Variants in IL36A observed in about 807,000 individuals in gnomAD.
IL36A encodes interleukin-36 alpha.
Under a neutral mutation model 12.7 loss-of-function variants are expected in IL36A, and 13 were observed. The ratio of observed to expected loss-of-function variants is 1.02; its 90% confidence interval spans 0.67 to 1.63. IL36A has a LOEUF of 1.63. IL36A is among the 40% of genes most tolerant of loss of function. IL36A has a pLI of 0.00. For synonymous variants in IL36A, 73 were observed against 71.9 expected (o/e 1.01, Z -0.08); for missense variants, 195 against 192.9 (o/e 1.01, Z -0.07).
downstream of IL36A, chr2:113,008,485 C>T (rs911361690): frequency 4.9e-5 from 9 of 183,846 alleles, no homozygotes; most frequent in East Asian, 3.3e-4. Flanking sequence ...CTCAGCCTCC[C>T]GAGTAGCTGG....
At chr2:113,009,218 CGTT>C (rs1684692081), downstream of IL36A, among the ~76,000 whole-genome samples, 2 of 151,658 alleles carry the variant, frequency 1.3e-5, no homozygotes, top group South Asian at 2.1e-4. Flanking sequence ...TCCAGTCTAT[CGTT>C]GTTGGACATT....
downstream of IL36A, chr2:113,008,551 C>T (rs1320371757): frequency 7.3e-6 from 2 of 272,688 alleles, no homozygotes; most frequent in Non-Finnish European, 1.5e-5. Flanking sequence ...TTAGTAGAGA[C>T]GGGGTTTCAC....
intron 1 of IL36A, 38 bp from the exon 2 acceptor site, chr2:113,005,936 C>G (rs760048472): frequency 6.2e-7 from 1 of 1,611,982 alleles, no homozygotes; most frequent in Non-Finnish European, 8.5e-7. Flanking sequence ...ATTCTGTGCT[C>G]TCATTCTTAC....
chr2:113,007,646 G>A (rs1684648610), intron 3 of IL36A, among the ~76,000 whole-genome samples, 186 bp from the exon 4 acceptor site: 2 of 152,102 alleles, frequency 1.3e-5, no homozygotes, highest in Admixed American at 6.5e-5. Context: ...TGTAGCCTGA[G>A]TTTCAACCAT....
chr2:113,008,357 CT>C (rs780723737), downstream of IL36A, among the ~76,000 whole-genome samples: 6,181 of 123,314 alleles, frequency 0.05, 160 homozygotes, highest in African/African-American at 0.16. Context: ...GGTGGTGACT[CT>C]TTTTTTTTTT....
chr2:113,008,274 T>C (rs1315193371), downstream of IL36A, among the ~76,000 whole-genome samples: 2 of 152,012 alleles, frequency 1.3e-5, no homozygotes, highest in South Asian at 2.1e-4. Flanking sequence ...GGCTGAAATA[T>C]GGCACCATTA....
At chr2:113,009,973 A>ACTT (rs1300427499), downstream of IL36A, among the ~76,000 whole-genome samples, 1 of 151,930 alleles carries the variant, frequency 6.6e-6, no homozygotes, top group African/African-American at 2.4e-5. Flanking sequence ...TATTTTGAAG[A>ACTT]CTTCTTTTTA....
At chr2:113,006,137 T>C in intron 2 of IL36A, 50 bp downstream of exon 2, 1 of 1,172,730 alleles carries the variant, frequency 8.5e-7, no homozygotes, top group Middle Eastern at 2.3e-4. Flanking sequence ...AGTGCTGTTG[T>C]GTGTTTGGTG....
chr2:113,008,190 G>A (rs1486926957), downstream of IL36A: 2 of 699,734 alleles, frequency 2.9e-6, no homozygotes, highest in African/African-American at 3.6e-5. Flanking sequence ...TGACCTAAGT[G>A]CTGGACTGGT....
In IL36A at chr2:113,005,745, T is replaced by C; in HGVS notation, c.-127T>C. The C allele has an allele frequency of 9.8e-7, 1 of 1,019,180 alleles. No homozygotes were observed. The highest frequency in any genetic ancestry group is 1.6e-6 in the Non-Finnish European group (1 of 640,074). 63.1% of individuals were successfully genotyped at this position (1,019,180 alleles called of 1,614,324 possible). A position where few individuals can be genotyped will look rare whatever the true frequency, so the allele number is the denominator to read the frequency against. On this transcript the variant is annotated 5_prime_UTR_variant, in exon 1 of 4. Transcript: ENST00000259211. Reference sequence around the variant, plus strand: ...ATTCTGACTGGGGTCACTGCTGGGCTGGCCGCCAGTCTTTCATCTGACCCA... The same window carrying C: ...ATTCTGACTGGGGTCACTGCTGGGCCGGCCGCCAGTCTTTCATCTGACCCA...
Position 113,008,038 on chromosome 2 carries a change from G to A in IL36A, c.471G>A (p.Leu157=), listed in dbSNP as rs754303211. The A allele has an allele frequency of 5.6e-6, 9 of 1,613,572 alleles. No individual in the cohort carries two copies. Among genetic ancestry groups the A allele is most frequent in the Middle Eastern group, 1.6e-4 (1 of 6,080 alleles). ...ANTTDFGLTM[L]F Reference sequence around the variant, plus strand: ...CTACTGACTTTGGGTTAACTATGCTGTTTTAAGGTCAGTTGGGTTTGGAGG... The same window carrying A: ...CTACTGACTTTGGGTTAACTATGCTATTTTAAGGTCAGTTGGGTTTGGAGG... Residue 157 remains leucine (L), a synonymous_variant, in exon 4 of 4, where the codon CTG becomes CTA. Coordinates refer to ENST00000259211, the MANE Select transcript of IL36A (RefSeq NM_014440.3).
Position 113,006,654 on chromosome 2 carries a change from A to T in IL36A, c.181A>T (p.Asn61Tyr). ...HVETLEKDRG[N>Y]PIYLGLNGLN... ...GGAGACCCTTGAGAAAGACAGAGGGAACCCCATCTACCTGGGCCTGAATGG... is the reference window on the plus strand; with the variant it reads ...GGAGACCCTTGAGAAAGACAGAGGGTACCCCATCTACCTGGGCCTGAATGG... The change falls in exon 3 of 4, where the codon AAC (asparagine) becomes TAC (tyrosine). Residue 61 changes from asparagine to tyrosine, a missense_variant. Transcript: ENST00000259211. The T allele has an allele frequency of 6.2e-7, 1 of 1,614,176 alleles. No individual in the cohort carries two copies. Among genetic ancestry groups the T allele is most frequent in the Non-Finnish European group, 8.5e-7 (1 of 1,180,004 alleles).
At position 113,005,817 on chromosome 2, in the gene IL36A, G is replaced by A. The variant is rs201497922; in HGVS notation, c.-55G>A. 2,002 of 1,606,294 alleles carry A rather than the reference G, an allele frequency of 1.2e-3. 16 individuals carry two copies. Among genetic ancestry groups the A allele is most frequent in the South Asian group, 7.6e-3 (689 of 90,892 alleles). ...CTGACTCAGGTCCTCTCTTGGGGTC[G>A]GTCTGCACATAAAAGGACTCCTATC... is the stretch of plus-strand genomic sequence containing the variant. On this transcript the variant is annotated 5_prime_UTR_variant, in exon 1 of 4. Transcript: ENST00000259211.
chr2:113,005,490 C>T lies in IL36A; in HGVS notation c.-382C>T, dbSNP rs531741300. ...CCCAAGTGCAGTAGAAGCCATTGTT[C>T]ATAATGGTAGGGATACAGGGTCCTT... On this transcript the variant is annotated 5_prime_UTR_variant, in exon 1 of 4. Transcript: ENST00000259211. 69 of 300,178 alleles carry T rather than the reference C, an allele frequency of 2.3e-4. No homozygotes were observed. The South Asian group carries it at 3.1e-3, about 13-fold the overall frequency. 18.6% of individuals were successfully genotyped at this position (300,178 alleles called of 1,614,324 possible). A position where few individuals can be genotyped will look rare whatever the true frequency, so the allele number is the denominator to read the frequency against.
At chr2:113,007,045 C>T (rs1247795624) in intron 3 of IL36A, among the ~76,000 whole-genome samples, 2 of 152,130 alleles carry the variant, frequency 1.3e-5, no homozygotes, top group Non-Finnish European at 2.9e-5. Flanking sequence ...AGTAGACGAA[C>T]TTATTAAAAC....
intron 2 of IL36A, 132 bp downstream of exon 2, chr2:113,006,219 T>C: frequency 2.9e-6 from 2 of 689,858 alleles, no homozygotes; most frequent in Non-Finnish European, 2.6e-6. Context: ...CAGACAATAA[T>C]GAATAGAGGG....
downstream of IL36A, among the ~76,000 whole-genome samples, chr2:113,008,806 CT>C (rs527935833): frequency 9.0e-5 from 13 of 144,404 alleles, no homozygotes; most frequent in Non-Finnish European, 1.4e-4. Context: ...ATGAAGCTTT[CT>C]TTTTTTTTTT....
Position 113,005,854 on chromosome 2 carries a change from T to C in IL36A, c.-18T>C. ...AAAGGACTCCTATCCTTGGCAGTTC[T>C]GAAACAACACCACCACAATGGAAAA... On this transcript the variant is annotated 5_prime_UTR_variant, in exon 1 of 4. Transcript: ENST00000259211. The C allele has an allele frequency of 6.2e-7, 1 of 1,614,138 alleles. No individual in the cohort carries two copies. The highest frequency in any genetic ancestry group is 1.3e-5 in the African/African-American group (1 of 75,040).
chr2:113,008,512 T>C (rs996848651), downstream of IL36A: 42 of 233,830 alleles, frequency 1.8e-4, no homozygotes, highest in East Asian at 3.0e-4. Context: ...AGGCGCCCGC[T>C]ACCACGCCCG....
Sources: allele counts gnomAD v4.1 joint callset (sites outside exome capture counted in the v4.1 genomes callset), GRCh38; gene constraint gnomAD v4.1.1; transcripts MANE v1.5; gene names NCBI Gene and HGNC (gene_info 2026-07-23, HGNC 2026-07-21).